The following AKR1E2 variants were observed in gnomAD, a reference collection of about 807,000 sequenced individuals.
AKR1E2 encodes 1,5-anhydro-D-fructose reductase.
In AKR1E2, 43 loss-of-function variants were observed where a neutral mutation model predicts 41.9. The ratio of observed to expected loss-of-function variants is 1.03; its 90% CI spans 0.80 to 1.32. The LOEUF is 1.32. Ranked by LOEUF, AKR1E2 falls within the 40% of genes most tolerant of loss-of-function variation. The probability of loss-of-function intolerance (pLI) is 0.00; values close to 1 mark genes in which losing one functional copy is unlikely to be tolerated. For missense variants in AKR1E2, 423 were observed against 396.5 expected, an observed-to-expected ratio of 1.07 and a Z score of -0.57; for synonymous variants, 121 against 138.9, an observed-to-expected ratio of 0.87 and a Z score of 0.91.
chr10:4,845,267 C>G (rs900662078), intron 8 of AKR1E2, among the ~76,000 whole-genome samples: 4 of 152,186 alleles, frequency 2.6e-5, no homozygotes, highest in African/African-American at 9.7e-5. Flanking sequence ...GCAAGCACCA[C>G]GCGCAGCCCC....
At chr10:4,834,365 G>A (rs560685026) in intron 3 of AKR1E2, among the ~76,000 whole-genome samples, 2 of 152,300 alleles carry the variant, frequency 1.3e-5, no homozygotes, top group Admixed American at 6.5e-5. Context: ...TTCCATAAAC[G>A]ATGTGGGCAG....
intron 5 of AKR1E2, among the ~76,000 whole-genome samples, chr10:4,839,015 G>C (rs1273090621): frequency 2.6e-5 from 4 of 152,176 alleles, no homozygotes; most frequent in Non-Finnish European, 5.9e-5. Context: ...ATGTTCCTGA[G>C]AGCAAACGCA....
chr10:4,855,873 T>C, the AKR1E2 span, among the ~76,000 whole-genome samples: 9 of 152,218 alleles, frequency 5.9e-5, no homozygotes, highest in Admixed American at 5.9e-4. Flanking sequence ...CTTAGACTTT[T>C]GAAAATTGTT....
the AKR1E2 span, among the ~76,000 whole-genome samples, chr10:4,868,628 CT>C: frequency 6.6e-6 from 1 of 152,158 alleles, no homozygotes; most frequent in African/African-American, 2.4e-5. Context: ...GACATCCTTG[CT>C]TTTTTCCCAG....
At chr10:4,839,952 T>C in intron 6 of AKR1E2, 126 bp downstream of exon 6, 1 of 841,302 alleles carries the variant, frequency 1.2e-6, no homozygotes, top group South Asian at 1.4e-5. Flanking sequence ...GGGATGGTAC[T>C]ATAGGGGGCT....
chr10:4,849,371 ACTGT>A (rs1414036833), downstream of AKR1E2, among the ~76,000 whole-genome samples: 1 of 152,182 alleles, frequency 6.6e-6, no homozygotes, highest in Non-Finnish European at 1.5e-5. Context: ...ACTCTTTGTC[ACTGT>A]CTACCTAGAG....
At chr10:4,845,396 G>C (rs1834254988) in intron 8 of AKR1E2, among the ~76,000 whole-genome samples, 1 of 151,820 alleles carries the variant, frequency 6.6e-6, no homozygotes, top group African/African-American at 2.4e-5. Context: ...GGCTCCTCAA[G>C]TGCCGCCAAA....
At chr10:4,854,686 G>A in the AKR1E2 span, among the ~76,000 whole-genome samples, 4 of 152,110 alleles carry the variant, frequency 2.6e-5, no homozygotes, top group Non-Finnish European at 5.9e-5. Context: ...AGTGATCAGC[G>A]GACTTTGGGT....
At chr10:4,841,188 G>C (rs902914674) in intron 6 of AKR1E2, among the ~76,000 whole-genome samples, 2 of 152,076 alleles carry the variant, frequency 1.3e-5, no homozygotes, top group Admixed American at 6.5e-5. Context: ...AGACCTCGAG[G>C]ACGATACTAG....
chr10:4,842,551 A>C, intron 8 of AKR1E2, 47 bp downstream of exon 8: 1 of 1,559,520 alleles, frequency 6.4e-7, no homozygotes, highest in Non-Finnish European at 8.8e-7. Flanking sequence ...ATCATGTGTT[A>C]GATGGGAAGG....
chr10:4,833,063 G>T (rs1035568838), intron 2 of AKR1E2, among the ~76,000 whole-genome samples: 1 of 152,036 alleles, frequency 6.6e-6, no homozygotes, highest in African/African-American at 2.4e-5. Flanking sequence ...TTTTGTTTTT[G>T]GTCCCAATGA....
chr10:4,847,415 A>G, intron 9 of AKR1E2, 73 bp from the exon 10 acceptor site: 2 of 1,565,852 alleles, frequency 1.3e-6, no homozygotes, highest in Non-Finnish European at 1.8e-6. Context: ...AAAAGTATAT[A>G]CCATTTAAAA....
the AKR1E2 span, among the ~76,000 whole-genome samples, chr10:4,869,366 G>GCATA: frequency 6.6e-6 from 1 of 152,068 alleles, no homozygotes; most frequent in Non-Finnish European, 1.5e-5. Flanking sequence ...AGGATCTATA[G>GCATA]CATAATTCCC....
At chr10:4,846,400 C>G (rs1248034507) in intron 8 of AKR1E2, among the ~76,000 whole-genome samples, 1 of 152,156 alleles carries the variant, frequency 6.6e-6, no homozygotes, top group Non-Finnish European at 1.5e-5. Context: ...AAAAATGGAT[C>G]ACTCAGAAAA....
At chr10:4,862,062 AG>A in the AKR1E2 span, among the ~76,000 whole-genome samples, 3 of 152,106 alleles carry the variant, frequency 2.0e-5, no homozygotes, top group Non-Finnish European at 4.4e-5. Context: ...TTATGGTTTT[AG>A]GTCTAACATT....
At chr10:4,840,102 C>T (rs1833753416) in intron 6 of AKR1E2, among the ~76,000 whole-genome samples, 1 of 152,118 alleles carries the variant, frequency 6.6e-6, no homozygotes, top group African/African-American at 2.4e-5. Flanking sequence ...TGCTGAGTTC[C>T]CCACCAGGGT....
At chr10:4,853,196 G>A in the AKR1E2 span, among the ~76,000 whole-genome samples, 7 of 152,080 alleles carry the variant, frequency 4.6e-5, no homozygotes, top group African/African-American at 1.4e-4. Flanking sequence ...CAAGATTGGC[G>A]TTGTTTTATA....
chr10:4,842,386 C>T (rs760933516), intron 7 of AKR1E2, 35 bp from the exon 8 acceptor site: 19 of 1,591,730 alleles, frequency 1.2e-5, no homozygotes, highest in Non-Finnish European at 1.6e-5. Context: ...TGGGATTTCC[C>T]TTTGTGTGAT....
chr10:4,839,968 C>A, intron 6 of AKR1E2, 142 bp downstream of exon 6: 1 of 762,658 alleles, frequency 1.3e-6, no homozygotes, highest in Middle Eastern at 3.7e-4. Flanking sequence ...GGGCTGTCCA[C>A]ACCTCTCAAG....
Sources: allele counts gnomAD v4.1 joint callset (sites outside exome capture counted in the v4.1 genomes callset), GRCh38; gene constraint gnomAD v4.1.1; transcripts MANE v1.5; gene names NCBI Gene and HGNC (gene_info 2026-07-23, HGNC 2026-07-21).